The following TRIP12 variants were observed in gnomAD, a reference collection of about 807,000 sequenced individuals.
TRIP12 encodes the protein E3 ubiquitin-protein ligase TRIP12.
In TRIP12, 25 loss-of-function variants were observed where a neutral mutation model predicts 244.2. The ratio of observed to expected loss-of-function variants is 0.10; its 90% CI spans 0.07 to 0.14. The LOEUF (loss-of-function observed/expected upper bound fraction) is 0.14. Among genes scored for constraint, TRIP12 ranks in the 10% least tolerant of loss-of-function variants. The pLI is 1.00. For synonymous variants in TRIP12, 905 were observed against 873.1 expected (o/e 1.04, Z -0.64); for missense variants, 1,677 against 2,486.4 (o/e 0.67, Z 6.92).
rs531095837 is a variant in TRIP12, at chr2:229,860,046, T to A, written c.224+360A>T. Among the ~76,000 whole-genome samples the A allele has an allele frequency of 3.0e-4, 46 of 152,264 alleles. 1 individual carries two copies. Among genetic ancestry groups the A allele is most frequent in the African/African-American group, 1.0e-3 (42 of 41,564 alleles). On this transcript the variant is annotated intron_variant, in intron 3 of 41. Transcript: ENST00000675903. Reference sequence around the variant, plus strand: ...GTTAACATTGCTTTCCAAAGTCTCTTAACAATTAAATCTTAAGAATCACTG... The same window carrying A: ...GTTAACATTGCTTTCCAAAGTCTCTAAACAATTAAATCTTAAGAATCACTG...
At chr2:229,814,102 A>G in intron 12 of TRIP12, 71 bp from the exon 13 acceptor site, 3 of 1,513,286 alleles carry the variant, frequency 2.0e-6, no homozygotes, top group Non-Finnish European at 2.7e-6. Flanking sequence ...TAACTCATAA[A>G]AAGTCTAGCA....
chr2:229,788,416 A>G (rs2040611231), intron 32 of TRIP12, among the ~76,000 whole-genome samples: 1 of 152,114 alleles, frequency 6.6e-6, no homozygotes, highest in Non-Finnish European at 1.5e-5. Flanking sequence ...AGAGTTGGGG[A>G]CTGCCGATTT....
intron 1 of TRIP12, among the ~76,000 whole-genome samples, chr2:229,906,348 C>G (rs1332966195): frequency 1.3e-5 from 2 of 148,836 alleles, no homozygotes; most frequent in Non-Finnish European, 3.0e-5. Context: ...TTACTGTTTA[C>G]TGCATGAATC....
intron 18 of TRIP12, among the ~76,000 whole-genome samples, chr2:229,805,191 C>T (rs576851699): frequency 1.6e-3 from 230 of 141,138 alleles, no homozygotes; most frequent in Non-Finnish European, 2.9e-3. Flanking sequence ...AGGCGTGAGA[C>T]ACCATGCCCA....
intron 1 of TRIP12, among the ~76,000 whole-genome samples, chr2:229,907,784 C>G (rs78878311): frequency 1.3e-5 from 2 of 152,018 alleles, no homozygotes; most frequent in African/African-American, 2.4e-5. Context: ...GTCTAAACAA[C>G]AGAGAGACCT....
chr2:229,770,800 G>C (rs560283849), intron 39 of TRIP12, among the ~76,000 whole-genome samples: 17 of 152,298 alleles, frequency 1.1e-4, no homozygotes, highest in African/African-American at 4.1e-4. Context: ...TGTCTCACGA[G>C]ATCTGATGGT....
intron 1 of TRIP12, among the ~76,000 whole-genome samples, chr2:229,902,885 A>G (rs532197806): frequency 1.3e-5 from 2 of 152,328 alleles, no homozygotes; most frequent in African/African-American, 4.8e-5. Context: ...ATGCCTTCAC[A>G]TACAGTGCTG....
At chr2:229,773,363 C>T (rs115520124) in intron 38 of TRIP12, among the ~76,000 whole-genome samples, 3,432 of 152,072 alleles carry the variant, frequency 0.023, 136 homozygotes, top group African/African-American at 0.079. Flanking sequence ...CATGAGCCAC[C>T]GTGCCCAGCC....
Position 229,798,887 on chromosome 2 carries a change from A to ATGG in TRIP12, c.3467_3469dup (p.Thr1156dup). The ATGG allele has an allele frequency of 6.2e-7, 1 of 1,613,220 alleles. No individual in the cohort carries two copies. Among genetic ancestry groups the ATGG allele is most frequent in the Non-Finnish European group, 8.5e-7 (1 of 1,179,812 alleles). ...CCCCCCACTTCACCTATTATTGGAG[A>ATGG]TGGTATCCTTTGAGGCAGCCCTGGC... On this transcript the variant is annotated inframe_insertion, in exon 23 of 42. Transcript: ENST00000675903.
chr2:229,859,546 C>A lies in TRIP12; in HGVS notation c.253G>T (p.Val85Phe), dbSNP rs747686065. Residue 85 changes from valine to phenylalanine, a missense_variant, in exon 4 of 42, where the codon GTT (valine) becomes TTT (phenylalanine). By Grantham distance (50) the Val-to-Phe change is conservative (BLOSUM62 -1). This residue lies in a region of TRIP12 where 387 missense variants were observed against 392.6 expected (regional missense o/e 0.99). Coordinates refer to ENST00000675903, the MANE Select transcript of TRIP12 (RefSeq NM_001348323.3). ...RSCSSSSAVIVPQPEDPDRAN... is the reference protein window; with the variant it reads ...RSCSSSSAVIFPQPEDPDRAN... ...CTGTCTGGATCCTCTGGTTGTGGAA[C>A]TATCACAGCAGATGATGAACTGCAG... 14 of 1,613,488 alleles carry A rather than the reference C, an allele frequency of 8.7e-6. No homozygotes were observed. In the African/African-American group the frequency reaches 1.7e-4, roughly 20 times the overall value.
rs564173455 is a variant in TRIP12 at position 229,764,907 on chromosome 2, G to C, written c.*2647C>G. ...GTCACTACAAATGCAGGGAACCAGA[G>C]ACAAGCATGAGAAGAGAAAAATCTG... On this transcript the variant is annotated 3_prime_UTR_variant, in exon 42 of 42. Coordinates refer to ENST00000675903, the MANE Select transcript of TRIP12 (RefSeq NM_001348323.3). The C allele has an allele frequency of 6.6e-6, 1 of 152,284 alleles. No homozygotes were observed. The highest frequency in any genetic ancestry group is 1.9e-4 in the East Asian group (1 of 5,182). 9.4% of individuals were successfully genotyped at this position (152,284 alleles called of 1,614,324 possible).
intron 26 of TRIP12, chr2:229,794,883 T>G (rs1468530820): frequency 5.1e-6 from 1 of 195,626 alleles, no homozygotes; most frequent in Non-Finnish European, 1.0e-5. Context: ...CATAAAGTTC[T>G]TAAGGAAGTT....
chr2:229,808,166 T>C (rs2046349229), intron 16 of TRIP12, 86 bp downstream of exon 16: 4 of 990,366 alleles, frequency 4.0e-6, no homozygotes, highest in East Asian at 2.4e-5. Context: ...CGGGTTTTCA[T>C]CATGTTGGCC....
chr2:229,897,598 G>A (rs1483093939), intron 1 of TRIP12, among the ~76,000 whole-genome samples: 1 of 152,256 alleles, frequency 6.6e-6, no homozygotes, highest in Non-Finnish European at 1.5e-5. Flanking sequence ...AGTCAGCTGA[G>A]ATCGTGCCAC....
At chr2:229,864,075 T>TGTGTGTGC (rs1294899764) in intron 2 of TRIP12, among the ~76,000 whole-genome samples, 2 of 146,002 alleles carry the variant, frequency 1.4e-5, no homozygotes, top group South Asian at 2.2e-4. Flanking sequence ...TGTGTGTGTG[T>TGTGTGTGC]GTGCACGCGC....
In TRIP12 at chr2:229,895,701, G is replaced by A. The variant is rs1007799151; in HGVS notation, c.-49-15573C>T. Reference sequence around the variant, plus strand: ...TATAAGTTTAATAAAAATTCCAGAAGTAGAAGAGTGAAGAAATGTGAGAGA... The same window carrying A: ...TATAAGTTTAATAAAAATTCCAGAAATAGAAGAGTGAAGAAATGTGAGAGA... On this transcript the variant is annotated intron_variant, in intron 1 of 41. Coordinates refer to ENST00000675903, the MANE Select transcript of TRIP12 (RefSeq NM_001348323.3). 3.3e-5 allele frequency among the ~76,000 whole-genome samples: 5 copies of A among 151,588 alleles called. No individual in the cohort carries two copies. In the East Asian group the frequency reaches 5.8e-4, roughly 18 times the overall value.
chr2:229,774,268 A>G lies in TRIP12; in HGVS notation c.5530-7T>C, dbSNP rs1170896982. ...ACTGTAGACTCTCTTTGGTCTAAAA[A>G]ACACAAATGGGGGAGAAATGGTGTC... On this transcript the variant is annotated splice_polypyrimidine_tract_variant and splice_region_variant and intron_variant, in intron 37 of 41. Transcript: ENST00000675903. 8.8e-6 allele frequency: 14 copies of G among 1,598,998 alleles called. No homozygotes were observed. The highest frequency in any genetic ancestry group is 1.2e-5 in the Non-Finnish European group (14 of 1,174,710).
intron 1 of TRIP12, among the ~76,000 whole-genome samples, chr2:229,905,562 A>C (rs2072500314): frequency 6.6e-6 from 1 of 152,172 alleles, no homozygotes. Flanking sequence ...AAAATAACAA[A>C]AGCATTATTG....
intron 1 of TRIP12, among the ~76,000 whole-genome samples, chr2:229,914,899 G>A (rs1032688958): frequency 6.6e-6 from 1 of 152,084 alleles, no homozygotes. Flanking sequence ...GAAACAAACA[G>A]AATAAACTAC....
Sources: gnomAD v4.1 joint callset for allele counts (sites outside exome capture counted in the v4.1 genomes callset) on GRCh38, gnomAD v4.1.1 for gene constraint, gnomAD v4.1.1 regional missense constraint, MANE v1.5 for transcripts, NCBI Gene and HGNC (gene_info 2026-07-23, HGNC 2026-07-21) for gene names.